The following TMEM267 variants were observed in gnomAD, a reference collection of about 807,000 sequenced individuals.
TMEM267 encodes the protein transmembrane protein 267, also known as transmembrane protein C5orf28.
Under a neutral mutation model 19.3 loss-of-function variants are expected in TMEM267, and 20 were observed. The observed-to-expected ratio is 1.04, with a 90% CI of 0.73 to 1.51. The LOEUF is 1.51. Ranked by LOEUF, TMEM267 falls within the 40% of genes most tolerant of loss-of-function variation. TMEM267 has a pLI of 0.00. For synonymous variants in TMEM267, 88 were observed against 90.3 expected, an observed-to-expected ratio of 0.97 and a Z score of 0.15; for missense variants, 242 against 261.9, an observed-to-expected ratio of 0.92 and a Z score of 0.52.
chr5:43,460,838 G>A (rs1222989265), intron 1 of TMEM267, among the ~76,000 whole-genome samples: 4 of 152,210 alleles, frequency 2.6e-5, no homozygotes, highest in African/African-American at 7.2e-5. Context: ...TGCAAACCTC[G>A]CCACTGAGGG....
Position 43,463,778 on chromosome 5 carries a change from T to C in TMEM267, c.-74-9735A>G, listed in dbSNP as rs567935613. ...AACTCTTCATGCTAAAAACTCTCAATAAATTAGGTATCGATGGGATGTATC... is the reference window on the plus strand; with the variant it reads ...AACTCTTCATGCTAAAAACTCTCAACAAATTAGGTATCGATGGGATGTATC... On this transcript the variant is annotated intron_variant, in intron 1 of 2. Coordinates refer to ENST00000397080, the MANE Select transcript of TMEM267 (RefSeq NM_022483.5). 3.9e-5 allele frequency among the ~76,000 whole-genome samples: 6 copies of C among 152,288 alleles called. No individual in the cohort carries two copies. The East Asian group carries it at 5.8e-4, about 15-fold the overall frequency.
chr5:43,454,785 G>A (rs1337903135), intron 1 of TMEM267, among the ~76,000 whole-genome samples: 3 of 152,080 alleles, frequency 2.0e-5, no homozygotes, highest in Non-Finnish European at 4.4e-5. Context: ...CATTTCTGAT[G>A]CCTTGAACCA....
chr5:43,482,609 T>A (rs955369633), intron 1 of TMEM267, among the ~76,000 whole-genome samples: 1 of 152,190 alleles, frequency 6.6e-6, no homozygotes, highest in Non-Finnish European at 1.5e-5. Context: ...CAAGAGATAA[T>A]CACATAATAA....
At chr5:43,474,371 G>A (rs906622334) in intron 1 of TMEM267, among the ~76,000 whole-genome samples, 8 of 152,134 alleles carry the variant, frequency 5.3e-5, no homozygotes, top group African/African-American at 1.7e-4. Flanking sequence ...ACTGAAAAAG[G>A]GCTAATATCC....
chr5:43,468,569 C>A (rs1001053075), intron 1 of TMEM267, among the ~76,000 whole-genome samples: 2 of 152,184 alleles, frequency 1.3e-5, no homozygotes, highest in African/African-American at 4.8e-5. Context: ...ATGTAAAAAA[C>A]CAAGCTGTGC....
chr5:43,481,624 G>A (rs2112229947), intron 1 of TMEM267, among the ~76,000 whole-genome samples: 1 of 152,114 alleles, frequency 6.6e-6, no homozygotes, highest in African/African-American at 2.4e-5. Flanking sequence ...TAATGCGAAT[G>A]CATTTTACCA....
chr5:43,480,725 G>A (rs569045507), intron 1 of TMEM267, among the ~76,000 whole-genome samples: 2 of 149,180 alleles, frequency 1.3e-5, no homozygotes, highest in African/African-American at 2.5e-5. Context: ...TAAAGCCAGT[G>A]CATTATATTT....
chr5:43,467,146 CAAAAAAAAAA>C (rs70994698), intron 1 of TMEM267, among the ~76,000 whole-genome samples: 2 of 49,012 alleles, frequency 4.1e-5, no homozygotes, highest in Admixed American at 2.1e-4. Context: ...GAGACTCTGT[CAAAAAAAAAA>C]AAAAAAAAAA....
rs1265022338 is a variant in TMEM267, at chr5:43,445,362, G to A, written c.*860C>T. 6.6e-6 allele frequency: 1 copy of A among 151,890 alleles called. No individual in the cohort carries two copies. 9.4% of individuals were successfully genotyped at this position (151,890 alleles called of 1,614,324 possible). A position where few individuals can be genotyped will look rare whatever the true frequency, so the allele number is the denominator to read the frequency against. On this transcript the variant is annotated 3_prime_UTR_variant, in exon 3 of 3. Transcript: ENST00000397080. ...AAAATAATTTTAATGGTACATTCAG[G>A]AATTTACATTTGAAATGACATTTCT...
intron 1 of TMEM267, among the ~76,000 whole-genome samples, chr5:43,464,938 A>C (rs1047788558): frequency 1.3e-5 from 2 of 152,248 alleles, no homozygotes; most frequent in Non-Finnish European, 2.9e-5. Context: ...ATGGCAACCA[A>C]AGCCAAAATT....
rs1398211744 is a variant in TMEM267, at chr5:43,444,522, G to C, written c.*1700C>G. 1.3e-5 allele frequency: 2 copies of C among 152,194 alleles called. No individual in the cohort carries two copies. Among genetic ancestry groups the C allele is most frequent in the African/African-American group, 4.8e-5 (2 of 41,452 alleles). 9.4% of individuals were successfully genotyped at this position (152,194 alleles called of 1,614,324 possible). ...ACTCCTGACCTCAAGTGACCTGCCT[G>C]CCTCGGCCTCCCAAAGTGTTGGGAT... is the stretch of plus-strand genomic sequence containing the variant. On this transcript the variant is annotated 3_prime_UTR_variant, in exon 3 of 3. Coordinates refer to ENST00000397080, the MANE Select transcript of TMEM267 (RefSeq NM_022483.5).
chr5:43,461,976 T>C (rs1481438876), intron 1 of TMEM267, among the ~76,000 whole-genome samples: 4 of 152,150 alleles, frequency 2.6e-5, no homozygotes, highest in Admixed American at 6.5e-5. Flanking sequence ...ATAGCAGGCA[T>C]TGTGTGAGAC....
chr5:43,446,470 G>T lies in TMEM267; in HGVS notation c.400C>A (p.Leu134Ile). The T allele has an allele frequency of 6.2e-7, 1 of 1,613,858 alleles. No individual in the cohort carries two copies. The highest frequency in any genetic ancestry group is 8.5e-7 in the Non-Finnish European group (1 of 1,179,834). The stretch of plus-strand genomic sequence containing the variant: ...CACCATGAGTCTTTGAGCTTGAAAA[G>T]GTGCATAGTAAATTTCAGGGTCAGA... ...VVLTLKFTMH[L>I]FKLKDSWCFL... Residue 134 changes from leucine (L) to isoleucine (I), a missense_variant, in exon 3 of 3, where the codon CTT becomes ATT. Physicochemically the swap from Leu to Ile is conservative, Grantham distance 5. Transcript: ENST00000397080.
At chr5:43,479,690 T>C in intron 1 of TMEM267, among the ~76,000 whole-genome samples, 1 of 152,052 alleles carries the variant, frequency 6.6e-6, no homozygotes. Context: ...GCGTACTTAC[T>C]TTGCAGATAA....
Position 43,458,855 on chromosome 5 carries a change from C to T in TMEM267, c.-74-4812G>A, listed in dbSNP as rs72756525. Among the ~76,000 whole-genome samples the T allele has an allele frequency of 8.5e-3, 1,299 of 151,970 alleles. 14 individuals are homozygous for T. The highest frequency in any genetic ancestry group is 0.014 in the Non-Finnish European group (984 of 67,978). ...TATGCACTGAAGGAATGCACAGTGGCGTGAATCTTTCAAACATCAAAATTA... is the reference window on the plus strand; with the variant it reads ...TATGCACTGAAGGAATGCACAGTGGTGTGAATCTTTCAAACATCAAAATTA... On this transcript the variant is annotated intron_variant, in intron 1 of 2. Coordinates refer to ENST00000397080, the MANE Select transcript of TMEM267 (RefSeq NM_022483.5).
At position 43,445,903 on chromosome 5, in the gene TMEM267, T is replaced by C. The variant is rs147749449; in HGVS notation, c.*319A>G. 341 of 159,950 alleles carry C rather than the reference T, an allele frequency of 2.1e-3. No individual in the cohort carries two copies. The highest frequency in any genetic ancestry group is 7.7e-3 in the African/African-American group (324 of 41,876). 9.9% of individuals were successfully genotyped at this position (159,950 alleles called of 1,614,324 possible). ...TAGGAAATGGACTAAATTCCAGGTA[T>C]ATTTCCAGAAAATGAACTGGATGTT... On this transcript the variant is annotated 3_prime_UTR_variant, in exon 3 of 3. Coordinates refer to ENST00000397080, the MANE Select transcript of TMEM267 (RefSeq NM_022483.5).
chr5:43,458,757 A>G (rs537009185), intron 1 of TMEM267, among the ~76,000 whole-genome samples: 1 of 152,316 alleles, frequency 6.6e-6, no homozygotes. Flanking sequence ...GTAAAAAAGG[A>G]GAAATATGAA....
chr5:43,459,210 G>A (rs375095383), intron 1 of TMEM267, among the ~76,000 whole-genome samples: 1 of 152,094 alleles, frequency 6.6e-6, no homozygotes. Flanking sequence ...ATGATTTTGG[G>A]GGGTAGGGGA....
chr5:43,463,154 G>C (rs562298419), intron 1 of TMEM267, among the ~76,000 whole-genome samples: 3 of 152,098 alleles, frequency 2.0e-5, no homozygotes, highest in African/African-American at 4.8e-5. Context: ...GAGAATACTA[G>C]AAACACCTCT....
Sources: allele counts gnomAD v4.1 joint callset (sites outside exome capture counted in the v4.1 genomes callset), GRCh38; gene constraint gnomAD v4.1.1; transcripts MANE v1.5; gene names NCBI Gene and HGNC (gene_info 2026-07-23, HGNC 2026-07-21).